Variants in COL4A3 observed in about 807,000 individuals in gnomAD.
The protein encoded by COL4A3 is collagen type IV alpha 3 chain.
COL4A3 carries 135 observed loss-of-function variants against 217.4 expected under a neutral mutation model. That is an observed-to-expected ratio of 0.62 (90% confidence interval 0.54 to 0.72). COL4A3 has a LOEUF of 0.72. Among genes scored for constraint, COL4A3 ranks in the 30% least tolerant of loss-of-function variants. The pLI, the probability that COL4A3 is intolerant of heterozygous loss-of-function variation, is 0.00. For synonymous variants in COL4A3, 690 were observed against 736.3 expected (o/e 0.94, Z 1.02); for missense variants, 1,868 against 2,119.9 (o/e 0.88, Z 2.33).
intron 20 of COL4A3, among the ~76,000 whole-genome samples, chr2:227,262,334 A>G (rs1223320659): frequency 3.9e-5 from 6 of 152,154 alleles, no homozygotes; most frequent in African/African-American, 1.4e-4. Context: ...CAAACAAAAA[A>G]ACAGGCTCCT....
chr2:227,216,634 A>G (rs879266678), intron 1 of COL4A3, among the ~76,000 whole-genome samples: 1 of 152,232 alleles, frequency 6.6e-6, no homozygotes, highest in Non-Finnish European at 1.5e-5. Context: ...ATACTTAACA[A>G]TCAAAACCAT....
At chr2:227,270,980 T>G (rs769044514) in intron 25 of COL4A3, 28 bp downstream of exon 25, 3 of 1,609,762 alleles carry the variant, frequency 1.9e-6, no homozygotes, top group Non-Finnish European at 2.6e-6. Flanking sequence ...TTACCCTCCC[T>G]ATAAATGAAG....
intron 26 of COL4A3, among the ~76,000 whole-genome samples, chr2:227,276,124 CTG>C (rs2071544387): frequency 6.6e-6 from 1 of 152,194 alleles, no homozygotes; most frequent in African/African-American, 2.4e-5. Flanking sequence ...GGACCGTCAT[CTG>C]TGAGTTATCT....
intron 15 of COL4A3, 91 bp downstream of exon 15, chr2:227,254,806 T>C (rs921344740): frequency 3.8e-5 from 34 of 900,432 alleles, no homozygotes; most frequent in Non-Finnish European, 6.0e-5. Flanking sequence ...CAACTCAAAC[T>C]AGCTCAAGCT....
At position 227,256,414 on chromosome 2, in the gene COL4A3, A is replaced by T; in HGVS notation, c.987+18A>T. On this transcript the variant is annotated intron_variant, in intron 17 of 51. Coordinates refer to ENST00000396578, the MANE Select transcript of COL4A3 (RefSeq NM_000091.5). Reference sequence around the variant, plus strand: ...GCATTAAGGTAATCCTCTCCCTAATAGCCTATTTTAATAGGTTGGGTTTTG... The same window carrying T: ...GCATTAAGGTAATCCTCTCCCTAATTGCCTATTTTAATAGGTTGGGTTTTG... 1 of 1,607,952 alleles carries T rather than the reference A, an allele frequency of 6.2e-7. No homozygotes were observed. Among genetic ancestry groups the T allele is most frequent in the Non-Finnish European group, 8.5e-7 (1 of 1,174,412 alleles).
intron 37 of COL4A3, among the ~76,000 whole-genome samples, chr2:227,291,879 T>C (rs953531036): frequency 6.6e-5 from 10 of 152,136 alleles, no homozygotes; most frequent in Admixed American, 2.6e-4. Context: ...GTTTATTCTC[T>C]TCCCAATTAT....
rs2073763431 is a variant in COL4A3, at chr2:227,312,088, CA to C, written c.*221del. ...TGTGCTGTTTCAAAGTTCTCTGTGGCAAAGCAGCAACTATTCACAAAATATC... is the reference window on the plus strand; with the variant it reads ...TGTGCTGTTTCAAAGTTCTCTGTGGCAAGCAGCAACTATTCACAAAATATC... On this transcript the variant is annotated 3_prime_UTR_variant, in exon 52 of 52. Coordinates refer to ENST00000396578, the MANE Select transcript of COL4A3 (RefSeq NM_000091.5). The C allele has an allele frequency of 1.1e-5, 8 of 721,140 alleles. No individual in the cohort carries two copies. The Admixed American group carries it at 2.2e-4, about 19-fold the overall frequency. The allele number at this position is 721,140 out of a possible 1,614,324, so 44.7% of individuals were successfully genotyped here.
At chr2:227,285,316 T>C (rs1191949824) in intron 34 of COL4A3, among the ~76,000 whole-genome samples, 4 of 125,220 alleles carry the variant, frequency 3.2e-5, no homozygotes, top group Non-Finnish European at 6.4e-5. Flanking sequence ...TTGCACAGGG[T>C]GCTGTAGACT....
At chr2:227,275,631 T>C (rs757963173) in intron 26 of COL4A3, among the ~76,000 whole-genome samples, 1 of 152,224 alleles carries the variant, frequency 6.6e-6, no homozygotes, top group African/African-American at 2.4e-5. Flanking sequence ...AAACATGTTT[T>C]TAATGTTTGC....
chr2:227,277,180 G>A (rs1215962731), intron 27 of COL4A3, among the ~76,000 whole-genome samples: 1 of 151,988 alleles, frequency 6.6e-6, no homozygotes, highest in Non-Finnish European at 1.5e-5. Context: ...TTAGCCGGGC[G>A]TGGTGGCGGG....
chr2:227,223,797 A>G (rs1362726639), intron 1 of COL4A3, among the ~76,000 whole-genome samples: 1 of 152,200 alleles, frequency 6.6e-6, no homozygotes. Context: ...TATCCTTTAC[A>G]GAGAGTTATA....
chr2:227,256,127 G>A (rs1419028329), intron 16 of COL4A3, 57 bp downstream of exon 16: 1 of 1,529,766 alleles, frequency 6.5e-7, no homozygotes, highest in South Asian at 1.1e-5. Context: ...ACTAGCTGAA[G>A]AAGGATTTTT....
At chr2:227,246,830 C>T (rs780477882) in intron 7 of COL4A3, 92 bp downstream of exon 7, 2 of 1,138,114 alleles carry the variant, frequency 1.8e-6, no homozygotes, top group South Asian at 2.5e-5. Context: ...TCCGTCATGA[C>T]TTTAGGGAAG....
intron 26 of COL4A3, 106 bp from the exon 27 acceptor site, chr2:227,276,279 A>G: frequency 1.2e-6 from 1 of 851,902 alleles, no homozygotes; most frequent in South Asian, 1.4e-5. Flanking sequence ...GTTATTTTTT[A>G]TTTTTTGGGG....
intron 1 of COL4A3, among the ~76,000 whole-genome samples, chr2:227,225,660 A>T (rs1423590115): frequency 6.6e-6 from 1 of 151,756 alleles, no homozygotes; most frequent in Admixed American, 6.6e-5. Context: ...ATCAAGTAAA[A>T]TGGGAGCTTT....
At chr2:227,240,270 C>G in intron 3 of COL4A3, 38 bp downstream of exon 3, 11 of 1,562,114 alleles carry the variant, frequency 7.0e-6, no homozygotes, top group Non-Finnish European at 9.6e-6. Context: ...CCCCAACCCA[C>G]CTAACCCTCT....
At chr2:227,197,201 TTTGTTTTG>T (rs1421282027) in intron 1 of COL4A3, among the ~76,000 whole-genome samples, 1,614 of 152,270 alleles carry the variant, frequency 0.011, 32 homozygotes, top group African/African-American at 0.038. Flanking sequence ...GTACGGTTTT[TTTGTTTTG>T]TTTTGTTTTG....
rs540703045 is a variant in COL4A3, at chr2:227,277,041, C to T, written c.2021-408C>T. Reference sequence around the variant, plus strand: ...GTTGTGTTAAAAATTTTTTCTTGGCCGGGCACGGTGGCTCACGCCTGTAAT... The same window carrying T: ...GTTGTGTTAAAAATTTTTTCTTGGCTGGGCACGGTGGCTCACGCCTGTAAT... On this transcript the variant is annotated intron_variant, in intron 27 of 51. Coordinates refer to ENST00000396578, the MANE Select transcript of COL4A3 (RefSeq NM_000091.5). Among the ~76,000 whole-genome samples, 4 of 152,116 alleles carry T rather than the reference C, an allele frequency of 2.6e-5. No homozygotes were observed. In the South Asian group the frequency reaches 8.3e-4, roughly 32 times the overall value.
chr2:227,259,596 C>T (rs1574716541), intron 18 of COL4A3, among the ~76,000 whole-genome samples, 197 bp from the exon 19 acceptor site: 1 of 152,172 alleles, frequency 6.6e-6, no homozygotes, highest in Non-Finnish European at 1.5e-5. Context: ...TACTGTGATA[C>T]CACAAAGGTC....
Sources: allele counts gnomAD v4.1 joint callset (sites outside exome capture counted in the v4.1 genomes callset), GRCh38; gene constraint gnomAD v4.1.1; transcripts MANE v1.5; gene names NCBI Gene and HGNC (gene_info 2026-07-23, HGNC 2026-07-21).